Variants in MICAL3 observed in about 807,000 individuals in gnomAD.
MICAL3 encodes the protein [F-actin]-monooxygenase MICAL3.
In MICAL3, 62 loss-of-function variants were observed where a neutral mutation model predicts 207.4. That is an observed-to-expected ratio of 0.30 (90% CI 0.24 to 0.37). The LOEUF is 0.37. Among genes scored for constraint, MICAL3 ranks in the 10% least tolerant of loss-of-function variants. MICAL3 has a pLI of 1.00. For missense variants in MICAL3, 2,368 were observed against 2,635.6 expected (o/e 0.90, Z 2.22); for synonymous variants, 1,077 against 1,069.3 (o/e 1.01, Z -0.14).
At chr22:17,939,045 C>T (rs768683186) in intron 1 of MICAL3, among the ~76,000 whole-genome samples, 5 of 152,122 alleles carry the variant, frequency 3.3e-5, no homozygotes, top group Non-Finnish European at 5.9e-5. Flanking sequence ...GGATTAATGA[C>T]TAATCCATTC....
intron 20 of MICAL3, among the ~76,000 whole-genome samples, chr22:17,837,698 T>C (rs1451902234): frequency 6.6e-6 from 1 of 152,128 alleles, no homozygotes; most frequent in African/African-American, 2.4e-5. Flanking sequence ...GGGCCAAGGG[T>C]CTGTGACAAG....
chr22:17,891,544 C>T lies in MICAL3; in HGVS notation c.1635G>A (p.Met545Ile), dbSNP rs752780873. ...YAGVNVTDLT[M>I]SWKSGLALCA... is the part of the protein sequence containing the mutation. The stretch of plus-strand genomic sequence containing the variant: ...AAAGGGCCAAGCCACTTTTCCAGGA[C>T]ATGGTGAGATCTGTCACGTTTACCC... The change falls in exon 12 of 32, where the codon ATG (methionine) becomes ATA (isoleucine). Residue 545 changes from methionine (M) to isoleucine (I), a missense_variant. Coordinates refer to ENST00000441493, the MANE Select transcript of MICAL3 (RefSeq NM_015241.3). The T allele has an allele frequency of 6.2e-7, 1 of 1,613,996 alleles. No homozygotes were observed. The highest frequency in any genetic ancestry group is 2.2e-5 in the East Asian group (1 of 44,890).
chr22:17,864,967 T>C lies in MICAL3; in HGVS notation c.2537A>G (p.Gln846Arg), dbSNP rs755031102. 1.2e-6 allele frequency: 2 copies of C among 1,608,036 alleles called. No homozygotes were observed. Among genetic ancestry groups the C allele is most frequent in the Non-Finnish European group, 1.7e-6 (2 of 1,175,036 alleles). ...LSGKEAKGPLQDGATTDANGR... is the reference protein window; with the variant it reads ...LSGKEAKGPLRDGATTDANGR... ...GTTTGCATCTGTGGTGGCGCCATCC[T>C]GCAGGGGTCCTTTGGCCTCCTAGGA... Residue 846 changes from glutamine to arginine, a missense_variant, in exon 19 of 32, where the codon CAG (glutamine) becomes CGG (arginine). Around this residue, in one of 4 missense-constraint regions of MICAL3, gnomAD observed 1,770 missense variants for 1,863.2 expected, o/e 0.95. Coordinates refer to ENST00000441493, the MANE Select transcript of MICAL3 (RefSeq NM_015241.3).
intron 1 of MICAL3, among the ~76,000 whole-genome samples, chr22:17,910,773 C>G (rs1932087099): frequency 6.6e-6 from 1 of 152,238 alleles, no homozygotes; most frequent in African/African-American, 2.4e-5. Context: ...TTCTCCTTGG[C>G]TCTGACAACA....
chr22:17,794,622 T>A (rs553156856), intron 29 of MICAL3, among the ~76,000 whole-genome samples: 1 of 152,286 alleles, frequency 6.6e-6, no homozygotes, highest in South Asian at 2.1e-4. Flanking sequence ...AACCACCCCC[T>A]TTCCTTCTGG....
intron 1 of MICAL3, among the ~76,000 whole-genome samples, chr22:17,952,430 CCT>C (rs1266194679): frequency 6.6e-6 from 1 of 152,194 alleles, no homozygotes; most frequent in Non-Finnish European, 1.5e-5. Flanking sequence ...GCTCTCCCAG[CCT>C]CACCCTCGCT....
At position 17,950,366 on chromosome 22, in the gene MICAL3, G is replaced by A. The variant is rs529816078; in HGVS notation, c.-74-43480C>T. On this transcript the variant is annotated intron_variant, in intron 1 of 31. Coordinates refer to ENST00000441493, the MANE Select transcript of MICAL3 (RefSeq NM_015241.3). The stretch of plus-strand genomic sequence containing the variant: ...TTTTTTTTTTTTTTTTTTTTGAGAC[G>A]AAGTTTCACTCTTGTTGCCCAGGCT... Among the ~76,000 whole-genome samples, 163 of 119,054 alleles carry A rather than the reference G, an allele frequency of 1.4e-3. 2 individuals carry two copies. In the South Asian group the frequency reaches 0.046, roughly 34 times the overall value. 78.1% of individuals were successfully genotyped at this position (119,054 alleles called of 152,430 possible).
intron 1 of MICAL3, among the ~76,000 whole-genome samples, chr22:17,949,711 G>A (rs925591314): frequency 1.3e-5 from 2 of 152,214 alleles, no homozygotes; most frequent in African/African-American, 2.4e-5. Flanking sequence ...CCAAGGATGC[G>A]TCAGGTGCTA....
intron 1 of MICAL3, among the ~76,000 whole-genome samples, chr22:18,007,534 G>C (rs989967675): frequency 4.6e-5 from 7 of 151,836 alleles, no homozygotes; most frequent in African/African-American, 1.7e-4. Context: ...GGGCTCAAGT[G>C]ATCCTCCCAC....
chr22:17,943,066 C>T (rs1287897975), intron 1 of MICAL3, among the ~76,000 whole-genome samples: 4 of 152,324 alleles, frequency 2.6e-5, no homozygotes, highest in Middle Eastern at 3.4e-3. Flanking sequence ...GCAAAGGAAC[C>T]GAGTGACATT....
rs762994615 is a variant in MICAL3, at chr22:17,790,916, T to G, written c.5825A>C (p.Asp1942Ala). ...CAGCTCCTCCTCAGTCTTAAGGTGA[T>G]CTTGAAGGAGAAGAAGGCATGAGGT... ...QELRERMAVE[D>A]HLKTEEELSE... The change falls in exon 32 of 32, where the codon GAT becomes GCT. Residue 1942 changes from aspartate (D) to alanine (A), a missense_variant and splice_region_variant. Physicochemically the swap from Asp to Ala is moderately radical, Grantham distance 126. Coordinates refer to ENST00000441493, the MANE Select transcript of MICAL3 (RefSeq NM_015241.3). 2 of 1,613,662 alleles carry G rather than the reference T, an allele frequency of 1.2e-6. No homozygotes were observed. Among genetic ancestry groups the G allele is most frequent in the Non-Finnish European group, 8.5e-7 (1 of 1,179,866 alleles).
chr22:17,893,412 C>G (rs1476894028), intron 11 of MICAL3, among the ~76,000 whole-genome samples: 1 of 152,120 alleles, frequency 6.6e-6, no homozygotes, highest in Non-Finnish European at 1.5e-5. Flanking sequence ...GTTGCAGGAC[C>G]CAGCCAAAGA....
chr22:17,977,407 C>A (rs919666147), intron 1 of MICAL3, among the ~76,000 whole-genome samples: 2 of 151,912 alleles, frequency 1.3e-5, no homozygotes, highest in South Asian at 2.1e-4. Context: ...CTAAGGAAGA[C>A]CCAGAAGCAC....
intron 19 of MICAL3, among the ~76,000 whole-genome samples, chr22:17,858,179 C>G (rs573825375): frequency 1.3e-5 from 2 of 152,318 alleles, no homozygotes; most frequent in Non-Finnish European, 2.9e-5. Context: ...CCTACCACCC[C>G]CTCCCGCCAA....
At chr22:17,987,197 T>C (rs544049503) in intron 1 of MICAL3, among the ~76,000 whole-genome samples, 1 of 152,200 alleles carries the variant, frequency 6.6e-6, no homozygotes, top group South Asian at 2.1e-4. Context: ...GCTATGATCA[T>C]GCCACCGCAC....
chr22:17,944,676 A>G (rs977979297), intron 1 of MICAL3, among the ~76,000 whole-genome samples: 9 of 152,172 alleles, frequency 5.9e-5, no homozygotes, highest in African/African-American at 9.7e-5. Flanking sequence ...TGTCAAGAGA[A>G]GGGCACTACA....
At chr22:17,988,406 G>A (rs1921267010) in intron 1 of MICAL3, among the ~76,000 whole-genome samples, 1 of 138,890 alleles carries the variant, frequency 7.2e-6, no homozygotes, top group Non-Finnish European at 1.5e-5. Context: ...CCACCCACAC[G>A]CCAGATCCAG....
rs116319692 is a variant in MICAL3 at position 17,849,204 on chromosome 22, C to T, written c.2606-7187G>A. Among the ~76,000 whole-genome samples the T allele has an allele frequency of 6.9e-3, 1,052 of 152,342 alleles. 18 individuals carry two copies. Among genetic ancestry groups the T allele is most frequent in the African/African-American group, 0.025 (1,020 of 41,576 alleles). On this transcript the variant is annotated intron_variant, in intron 19 of 31. Coordinates refer to ENST00000441493, the MANE Select transcript of MICAL3 (RefSeq NM_015241.3). The stretch of plus-strand genomic sequence containing the variant: ...GCTCTACACACGGCCTTAAACATCA[C>T]AAATCCCACAAGTCCCTGTGATTAC...
At chr22:17,875,383 T>TG (rs1388350482) in intron 16 of MICAL3, 20 of 1,049,014 alleles carry the variant, frequency 1.9e-5, no homozygotes, top group Non-Finnish European at 2.6e-5. Flanking sequence ...ACATGACACT[T>TG]GCGAAAGTGA....
Sources: gnomAD v4.1 joint callset for allele counts (sites outside exome capture counted in the v4.1 genomes callset) on GRCh38, gnomAD v4.1.1 for gene constraint, gnomAD v4.1.1 regional missense constraint, MANE v1.5 for transcripts, NCBI Gene and HGNC (gene_info 2026-07-23, HGNC 2026-07-21) for gene names.